DLG2: variants seen among roughly 807,000 people sequenced by gnomAD.
The protein encoded by DLG2 is disks large homolog 2.
In DLG2, 45 loss-of-function variants were observed where a neutral mutation model predicts 132.5. The ratio of observed to expected loss-of-function variants is 0.34; its 90% CI spans 0.27 to 0.44. The LOEUF is 0.44. Among genes scored for constraint, DLG2 ranks in the 20% least tolerant of loss-of-function variants. DLG2 has a pLI of 1.00. For synonymous variants in DLG2, 424 were observed against 419.6 expected (o/e 1.01, Z -0.13); for missense variants, 1,045 against 1,196.9 (o/e 0.87, Z 1.87).
chr11:84,173,670 C>T (rs1018216506), intron 8 of DLG2, among the ~76,000 whole-genome samples: 5 of 152,010 alleles, frequency 3.3e-5, no homozygotes, highest in Admixed American at 2.6e-4. Context: ...TACTTCATCC[C>T]CTCTCTCTCC....
chr11:84,937,822 T>G (rs2048932949), intron 6 of DLG2, among the ~76,000 whole-genome samples: 1 of 152,164 alleles, frequency 6.6e-6, no homozygotes, highest in African/African-American at 2.4e-5. Context: ...CTATAATATT[T>G]TGACATACTA....
chr11:84,273,234 G>C (rs764385290), intron 7 of DLG2: 1 of 1,537,108 alleles, frequency 6.5e-7, no homozygotes. Flanking sequence ...TTCTCAGCCC[G>C]AGAAACACTT....
chr11:85,623,009 G>C (rs2081827165), intron 2 of DLG2, among the ~76,000 whole-genome samples: 1 of 147,672 alleles, frequency 6.8e-6, no homozygotes, highest in South Asian at 2.1e-4. Flanking sequence ...AGTGAGCCGA[G>C]ATCACACTAC....
Position 83,603,167 on chromosome 11 carries a change from T to A in DLG2, c.1940+30044A>T, listed in dbSNP as rs543245943. On this transcript the variant is annotated intron_variant, in intron 19 of 27. Transcript: ENST00000376104. ...CATATAAAATCTCTGCACAATTTTT[T>A]AAAAATAAAATAGTATTATACACCG... Among the ~76,000 whole-genome samples the A allele has an allele frequency of 4.6e-4, 70 of 152,216 alleles. No individual in the cohort carries two copies. The South Asian group carries it at 0.011, about 24-fold the overall frequency.
At chr11:84,957,010 T>G (rs1317216064) in intron 6 of DLG2, among the ~76,000 whole-genome samples, 1 of 152,204 alleles carries the variant, frequency 6.6e-6, no homozygotes, top group Non-Finnish European at 1.5e-5. Flanking sequence ...TCAAATGCAT[T>G]GTAATTCAAC....
At chr11:83,801,058 C>T (rs568581181) in intron 17 of DLG2, among the ~76,000 whole-genome samples, 62 of 152,248 alleles carry the variant, frequency 4.1e-4, no homozygotes, top group African/African-American at 1.3e-3. Context: ...ACATGTTTCT[C>T]GAGAGTTTTC....
intron 6 of DLG2, among the ~76,000 whole-genome samples, chr11:84,737,041 T>C (rs1194431944): frequency 2.6e-5 from 4 of 152,002 alleles, no homozygotes; most frequent in Non-Finnish European, 4.4e-5. Flanking sequence ...TTCCCTTCTA[T>C]TTATATTTTG....
At chr11:85,583,049 A>G (rs1239293908) in intron 3 of DLG2, among the ~76,000 whole-genome samples, 19 of 106,984 alleles carry the variant, frequency 1.8e-4, no homozygotes, top group African/African-American at 4.2e-4. Context: ...AAACCAGGGG[A>G]AAAAAAAAAT....
chr11:85,448,101 C>G (rs1245114506), intron 3 of DLG2, among the ~76,000 whole-genome samples: 2 of 152,086 alleles, frequency 1.3e-5, no homozygotes, highest in Non-Finnish European at 2.9e-5. Context: ...CATAGTTTGA[C>G]TCAAATGAAA....
At chr11:84,319,994 C>G (rs575904662) in intron 7 of DLG2, among the ~76,000 whole-genome samples, 1 of 152,286 alleles carries the variant, frequency 6.6e-6, no homozygotes, top group South Asian at 2.1e-4. Context: ...GTTCAACTAG[C>G]CCTCTGTACT....
intron 6 of DLG2, among the ~76,000 whole-genome samples, chr11:84,700,756 T>A (rs2059135605): frequency 6.6e-6 from 1 of 151,618 alleles, no homozygotes; most frequent in South Asian, 2.1e-4. Context: ...TCCTCCTCCA[T>A]TTGTTTGCAC....
intron 4 of DLG2, among the ~76,000 whole-genome samples, chr11:85,186,135 TC>T (rs1566980371): frequency 1.9e-4 from 29 of 152,140 alleles, no homozygotes; most frequent in African/African-American, 6.5e-4. Context: ...CTCTGGTATC[TC>T]CTGCACTGTT....
chr11:84,269,369 C>A (rs1049141479), intron 7 of DLG2, among the ~76,000 whole-genome samples: 1 of 152,204 alleles, frequency 6.6e-6, no homozygotes, highest in African/African-American at 2.4e-5. Flanking sequence ...TTACAAGTGC[C>A]TTTTCTGTTT....
chr11:84,338,828 T>C (rs1600178474), intron 7 of DLG2, among the ~76,000 whole-genome samples: 1 of 151,892 alleles, frequency 6.6e-6, no homozygotes, highest in African/African-American at 2.4e-5. Flanking sequence ...ATAATAATAA[T>C]AAAATAAAGT....
chr11:83,624,761 C>T (rs1014670859), intron 19 of DLG2, among the ~76,000 whole-genome samples: 2 of 152,148 alleles, frequency 1.3e-5, no homozygotes, highest in Admixed American at 6.5e-5. Context: ...TATCATTATC[C>T]ATAACGATAA....
At chr11:84,782,438 C>CCACACA (rs10599798) in intron 6 of DLG2, among the ~76,000 whole-genome samples, 18 of 148,046 alleles carry the variant, frequency 1.2e-4, no homozygotes, top group African/African-American at 2.5e-4. Context: ...ACTACCCCTA[C>CCACACA]CACACACACA....
chr11:83,519,011 T>C (rs1302085927), intron 21 of DLG2, among the ~76,000 whole-genome samples: 4 of 152,050 alleles, frequency 2.6e-5, no homozygotes, highest in Non-Finnish European at 5.9e-5. Flanking sequence ...ACCCATCAAG[T>C]GTGGGGGTCA....
At chr11:84,816,200 A>G (rs181155588) in intron 6 of DLG2, among the ~76,000 whole-genome samples, 79 of 152,104 alleles carry the variant, frequency 5.2e-4, no homozygotes, top group Admixed American at 7.9e-4. Context: ...TTGATTCAAT[A>G]GTAGGATGAG....
intron 6 of DLG2, among the ~76,000 whole-genome samples, chr11:84,737,496 A>AAGAGAGAGAGAG (rs1475694473): frequency 1.3e-4 from 16 of 123,480 alleles, no homozygotes; most frequent in Admixed American, 6.6e-4. Flanking sequence ...GAGAGAAAGA[A>AAGAGAGAGAGAG]AGAGACAGAG....
Sources: allele counts gnomAD v4.1 joint callset (sites outside exome capture counted in the v4.1 genomes callset), GRCh38; gene constraint gnomAD v4.1.1; transcripts MANE v1.5; gene names NCBI Gene and HGNC (gene_info 2026-07-23, HGNC 2026-07-21).